BANP: variants seen among roughly 807,000 people sequenced by gnomAD.
BANP encodes protein BANP.
A neutral mutation model predicts 68.1 loss-of-function variants in BANP; 11 were observed. The observed-to-expected ratio is 0.16, with a 90% confidence interval of 0.10 to 0.27. The LOEUF is 0.27. Ranked by LOEUF, BANP falls within the 10% of genes least tolerant of loss-of-function variation. The probability of loss-of-function intolerance (pLI) is 1.00; values close to 1 mark genes in which losing one functional copy is unlikely to be tolerated. For missense variants in BANP, 504 were observed against 722.7 expected, an observed-to-expected ratio of 0.70 and a Z score of 3.47; for synonymous variants, 329 against 303.2, an observed-to-expected ratio of 1.09 and a Z score of -0.88.
rs977726525 is a variant in BANP, at chr16:88,003,380, G to A, written c.363-915G>A. On this transcript the variant is annotated intron_variant, in intron 4 of 13. Transcript: ENST00000682872. This position sits in a 1 kb window ranked among gnomAD's most constrained non-coding sequence, Gnocchi z 6.1. ...CCTATGTGCAGATCACAGAAAGGCA[G>A]GCTTCCCAGGTTGGTTTTTGGAGAG... 6.4e-5 allele frequency: 29 copies of A among 452,548 alleles called. No individual in the cohort carries two copies. The highest frequency in any genetic ancestry group is 5.4e-4 in the African/African-American group (27 of 49,974). The allele number at this position is 452,548 out of a possible 1,614,324, so 28.0% of individuals were successfully genotyped here.
rs1199023813 is a variant in BANP at position 88,004,448 on chromosome 16, A to G, written c.479+37A>G. 2.5e-6 allele frequency: 3 copies of G among 1,186,916 alleles called. No individual in the cohort carries two copies. The African/African-American group carries it at 4.6e-5, about 18-fold the overall frequency. 73.5% of individuals were successfully genotyped at this position (1,186,916 alleles called of 1,614,324 possible). On this transcript the variant is annotated intron_variant, in intron 5 of 13. Transcript: ENST00000682872. This position sits in a 1 kb window ranked among gnomAD's most constrained non-coding sequence, Gnocchi z 7.0. ...GGCACCAACCCCACCTTTCCCTGCC[A>G]CTGTGCGGAGTCCCATGAGAATAAG...
chr16:87,992,731 T>C (rs138655487), intron 4 of BANP, among the ~76,000 whole-genome samples: 2,592 of 151,806 alleles, frequency 0.017, 39 homozygotes, highest in Middle Eastern at 0.031. Context: ...GAGGCGGAGG[T>C]TGCAGTGAGC....
intron 1 of BANP, 59 bp from the exon 2 acceptor site, chr16:87,974,989 T>A (rs1162644484): frequency 1.3e-6 from 1 of 787,716 alleles, no homozygotes; most frequent in African/African-American, 1.7e-5. Context: ...GTGGTTTTCA[T>A]AATTTCACGT....
chr16:87,989,601 A>T (rs1485174703), intron 4 of BANP, among the ~76,000 whole-genome samples: 2 of 139,964 alleles, frequency 1.4e-5, no homozygotes, highest in South Asian at 2.3e-4. Flanking sequence ...GTGACGGGGG[A>T]TGCAGGCCCG....
rs183379044 is a variant in BANP, at chr16:88,057,600, C to T, written c.1312-7667C>T. Among the ~76,000 whole-genome samples the T allele has an allele frequency of 2.0e-5, 3 of 152,216 alleles. No individual in the cohort carries two copies. The highest frequency in any genetic ancestry group is 2.9e-5 in the Non-Finnish European group (2 of 68,010). ...CAAAATGCAGGCACTCTGACTGGCCCACGTTGTGTAAAATTGGAAGAATGT... is the reference window on the plus strand; with the variant it reads ...CAAAATGCAGGCACTCTGACTGGCCTACGTTGTGTAAAATTGGAAGAATGT... On this transcript the variant is annotated intron_variant, in intron 11 of 13. Transcript: ENST00000682872. This position sits in a 1 kb window ranked among gnomAD's most constrained non-coding sequence, Gnocchi z 4.6.
chr16:88,056,706 G>A (rs765208033), intron 11 of BANP, among the ~76,000 whole-genome samples: 1 of 152,114 alleles, frequency 6.6e-6, no homozygotes, highest in African/African-American at 2.4e-5. Context: ...GTGGTGGCAG[G>A]CCTGATGATT....
intron 11 of BANP, among the ~76,000 whole-genome samples, chr16:88,061,025 G>A (rs1199184177): frequency 6.6e-6 from 1 of 152,132 alleles, no homozygotes; most frequent in African/African-American, 2.4e-5. Flanking sequence ...TCCCAGGAGC[G>A]CCGCCCTGCT....
chr16:88,022,982 G>A (rs2076297339), intron 7 of BANP, among the ~76,000 whole-genome samples: 7 of 152,174 alleles, frequency 4.6e-5, no homozygotes, highest in Non-Finnish European at 1.5e-5. Flanking sequence ...GTTTTGTGGG[G>A]ACACTGTTCA....
intron 11 of BANP, among the ~76,000 whole-genome samples, chr16:88,039,400 G>A (rs1386137635): frequency 6.9e-6 from 1 of 143,964 alleles, no homozygotes; most frequent in Non-Finnish European, 1.6e-5. Context: ...AGAGGACAGG[G>A]CTCATAGCTG....
intron 11 of BANP, among the ~76,000 whole-genome samples, chr16:88,043,125 G>T (rs1427079781): frequency 6.6e-6 from 1 of 152,130 alleles, no homozygotes; most frequent in Non-Finnish European, 1.5e-5. Context: ...GACCTGTGCT[G>T]CCCTCCTCGC....
intron 3 of BANP, among the ~76,000 whole-genome samples, chr16:87,983,691 G>A (rs2063741702): frequency 6.6e-6 from 1 of 152,046 alleles, no homozygotes; most frequent in Admixed American, 6.5e-5. Context: ...CTGTGTCGAT[G>A]TTAGGTGTAA....
At chr16:87,962,551 A>G (rs1397578031) in intron 1 of BANP, among the ~76,000 whole-genome samples, 4 of 152,116 alleles carry the variant, frequency 2.6e-5, no homozygotes, top group African/African-American at 9.7e-5. Context: ...GCTTCTTAAG[A>G]TGTGTCCCTG....
chr16:88,073,232 G>C (rs553831734), intron 13 of BANP, among the ~76,000 whole-genome samples: 1 of 152,346 alleles, frequency 6.6e-6, no homozygotes, highest in East Asian at 1.9e-4. Context: ...CAGTCCCTCA[G>C]CCGCGACAGC....
At chr16:88,056,251 G>A (rs1240452682) in intron 11 of BANP, among the ~76,000 whole-genome samples, 2 of 152,188 alleles carry the variant, frequency 1.3e-5, no homozygotes, top group Non-Finnish European at 2.9e-5. Context: ...TTTGCTTCTT[G>A]GTCTGTTTTG....
chr16:87,971,430 A>C (rs1025620776), intron 1 of BANP, among the ~76,000 whole-genome samples: 1 of 152,184 alleles, frequency 6.6e-6, no homozygotes, highest in Non-Finnish European at 1.5e-5. Flanking sequence ...TATACTTGAA[A>C]GTAATTTTGT....
intron 4 of BANP, among the ~76,000 whole-genome samples, chr16:87,990,317 G>A (rs1261487826): frequency 1.3e-5 from 2 of 152,188 alleles, no homozygotes; most frequent in Non-Finnish European, 2.9e-5. Flanking sequence ...TTTTTAAAGT[G>A]TGATTTCTTT....
chr16:87,963,028 G>A (rs1445524849), intron 1 of BANP, among the ~76,000 whole-genome samples: 3 of 152,210 alleles, frequency 2.0e-5, no homozygotes, highest in South Asian at 2.1e-4. Context: ...TCCTCGTTTC[G>A]GGAGATTTAG....
At chr16:88,021,082 G>A (rs1224230352) in intron 7 of BANP, among the ~76,000 whole-genome samples, 1 of 152,192 alleles carries the variant, frequency 6.6e-6, no homozygotes, top group South Asian at 2.1e-4. Flanking sequence ...TGCCAACCTC[G>A]ATGGGGGTCT....
At chr16:87,963,443 C>T (rs1356430629) in intron 1 of BANP, 1 of 152,226 alleles carries the variant, frequency 6.6e-6, no homozygotes, top group East Asian at 1.9e-4. Flanking sequence ...TGGAATGCAT[C>T]TTTTTAGACT....
Sources: allele counts gnomAD v4.1 joint callset (sites outside exome capture counted in the v4.1 genomes callset), GRCh38; gene constraint gnomAD v4.1.1; non-coding constraint Gnocchi (gnomAD v3.1); transcripts MANE v1.5; gene names NCBI Gene and HGNC (gene_info 2026-07-23, HGNC 2026-07-21).